GRID2: variants seen among roughly 807,000 people sequenced by gnomAD.
The protein encoded by GRID2 is glutamate ionotropic receptor delta type subunit 2, also known as glutamate receptor ionotropic, delta-2.
In GRID2, 33 loss-of-function variants were observed where a neutral mutation model predicts 114.8. That is an observed-to-expected ratio of 0.29 (90% confidence interval 0.22 to 0.38). The LOEUF is 0.38. Among genes scored for constraint, GRID2 ranks in the 10% least tolerant of loss-of-function variants. GRID2 has a pLI of 1.00. For synonymous variants in GRID2, 505 were observed against 449.9 expected (o/e 1.12, Z -1.55); for missense variants, 1,184 against 1,257.7 (o/e 0.94, Z 0.89).
At chr4:92,765,797 G>C (rs1738231826) in intron 2 of GRID2, among the ~76,000 whole-genome samples, 1 of 152,200 alleles carries the variant, frequency 6.6e-6, no homozygotes, top group African/African-American at 2.4e-5. Flanking sequence ...CCAGCACAGA[G>C]AGGCATCCCC....
chr4:93,619,827 C>A (rs1742048972), intron 13 of GRID2, among the ~76,000 whole-genome samples: 1 of 152,196 alleles, frequency 6.6e-6, no homozygotes, highest in African/African-American at 2.4e-5. Context: ...TGCATGCTTT[C>A]TGTGGCCCTT....
At chr4:93,733,351 G>C (rs1409719348) in intron 14 of GRID2, among the ~76,000 whole-genome samples, 1 of 152,074 alleles carries the variant, frequency 6.6e-6, no homozygotes, top group Non-Finnish European at 1.5e-5. Flanking sequence ...TCTGAGCTCT[G>C]CTCTTAGACA....
At chr4:92,622,468 T>C (rs929255437) in intron 2 of GRID2, among the ~76,000 whole-genome samples, 1 of 151,714 alleles carries the variant, frequency 6.6e-6, no homozygotes, top group African/African-American at 2.4e-5. Context: ...GATTTGGTAA[T>C]ATTTCTGTAC....
chr4:93,165,319 C>G (rs760276469), intron 4 of GRID2, among the ~76,000 whole-genome samples: 1 of 151,860 alleles, frequency 6.6e-6, no homozygotes, highest in Non-Finnish European at 1.5e-5. Context: ...GAAGAAAAGA[C>G]CAGGAGCCTG....
chr4:92,605,674 G>A (rs1221737978), intron 2 of GRID2, among the ~76,000 whole-genome samples: 3 of 152,036 alleles, frequency 2.0e-5, no homozygotes, highest in African/African-American at 7.2e-5. Context: ...TATTTCATAT[G>A]GGAAAGTAAT....
At chr4:92,983,641 T>A (rs981896141) in intron 2 of GRID2, among the ~76,000 whole-genome samples, 2 of 152,148 alleles carry the variant, frequency 1.3e-5, no homozygotes, top group African/African-American at 4.8e-5. Context: ...TTCATTATTA[T>A]AATTTCTTAT....
intron 13 of GRID2, among the ~76,000 whole-genome samples, chr4:93,624,599 G>A (rs1462854796): frequency 6.6e-6 from 1 of 151,944 alleles, no homozygotes; most frequent in Non-Finnish European, 1.5e-5. Context: ...ATTTTATAAA[G>A]CCTCATTTGT....
At chr4:92,919,682 T>C (rs984372399) in intron 2 of GRID2, among the ~76,000 whole-genome samples, 1 of 152,224 alleles carries the variant, frequency 6.6e-6, no homozygotes, top group African/African-American at 2.4e-5. Flanking sequence ...TTCTTAATCC[T>C]GAGTTCTAGT....
intron 4 of GRID2, among the ~76,000 whole-genome samples, chr4:93,122,890 G>GATTTTT (rs1733913527): frequency 1.4e-5 from 1 of 69,804 alleles, no homozygotes; most frequent in African/African-American, 6.2e-5. Context: ...ACAGATGTGG[G>GATTTTT]TTTTTTTTTT....
At chr4:93,191,637 A>G (rs1233315142) in intron 4 of GRID2, among the ~76,000 whole-genome samples, 1 of 152,122 alleles carries the variant, frequency 6.6e-6, no homozygotes, top group Non-Finnish European at 1.5e-5. Flanking sequence ...TTGGAATAAT[A>G]CTGAAAATAG....
rs894350445 is a variant in GRID2, at chr4:92,914,784, T to G, written c.245-170211T>G. ...TTTATGGCTGCATAGTATTCTATGG[T>G]ATATCTGAACTACATTTTTTTAAAT... is the stretch of plus-strand genomic sequence containing the variant. On this transcript the variant is annotated intron_variant, in intron 2 of 15. Transcript: ENST00000282020. 2.6e-5 allele frequency among the ~76,000 whole-genome samples: 4 copies of G among 152,166 alleles called. No individual in the cohort carries two copies. In the East Asian group the frequency reaches 7.7e-4, roughly 29 times the overall value.
At chr4:92,677,106 G>A (rs1034116302) in intron 2 of GRID2, among the ~76,000 whole-genome samples, 1 of 152,146 alleles carries the variant, frequency 6.6e-6, no homozygotes, top group African/African-American at 2.4e-5. Flanking sequence ...TGGCTGCCAG[G>A]GGTTGGGAAG....
intron 2 of GRID2, among the ~76,000 whole-genome samples, chr4:93,044,984 C>T (rs1404024671): frequency 6.6e-6 from 1 of 152,042 alleles, no homozygotes; most frequent in Non-Finnish European, 1.5e-5. Context: ...ATAATTTAAG[C>T]TAGTGCACTC....
chr4:93,202,963 A>G lies in GRID2; in HGVS notation c.736-4441A>G, dbSNP rs1742270204. On this transcript the variant is annotated intron_variant, in intron 4 of 15. Coordinates refer to ENST00000282020, the MANE Select transcript of GRID2 (RefSeq NM_001510.4). Reference sequence around the variant, plus strand: ...ATATATATATATCATACTACTATACATTCTTTTTTGTGTGTGTGTGTATGT... The same window carrying G: ...ATATATATATATCATACTACTATACGTTCTTTTTTGTGTGTGTGTGTATGT... Among the ~76,000 whole-genome samples the G allele has an allele frequency of 2.0e-5, 3 of 151,962 alleles. No individual in the cohort carries two copies. In the South Asian group the frequency reaches 6.2e-4, roughly 32 times the overall value.
intron 2 of GRID2, among the ~76,000 whole-genome samples, chr4:92,713,272 T>C (rs990985201): frequency 6.6e-6 from 1 of 151,038 alleles, no homozygotes; most frequent in Non-Finnish European, 1.5e-5. Flanking sequence ...TTTTAACACA[T>C]AAAATGACAA....
chr4:92,572,555 T>C (rs1727682319), intron 1 of GRID2, among the ~76,000 whole-genome samples: 1 of 152,162 alleles, frequency 6.6e-6, no homozygotes, highest in Non-Finnish European at 1.5e-5. Context: ...ATCATCCTGA[T>C]ACCAAAGCCT....
At chr4:93,677,495 C>A (rs1052957807) in intron 14 of GRID2, among the ~76,000 whole-genome samples, 2 of 152,154 alleles carry the variant, frequency 1.3e-5, no homozygotes, top group African/African-American at 2.4e-5. Context: ...GTCCCTGACC[C>A]CTGACCCCCG....
intron 1 of GRID2, among the ~76,000 whole-genome samples, chr4:93,801,303 T>C (rs1031264264): frequency 6.6e-6 from 1 of 152,092 alleles, no homozygotes; most frequent in Non-Finnish European, 1.5e-5. Context: ...TAAATTTAAC[T>C]ATTATTTAAA....
At chr4:93,479,695 G>A (rs28587065) in intron 11 of GRID2, among the ~76,000 whole-genome samples, 5,339 of 152,132 alleles carry the variant, frequency 0.035, 132 homozygotes, top group Non-Finnish European at 0.046. Context: ...GAGACATAGA[G>A]AGAAGAAATC....
Sources: gnomAD v4.1 joint callset for allele counts (sites outside exome capture counted in the v4.1 genomes callset) on GRCh38, gnomAD v4.1.1 for gene constraint, MANE v1.5 for transcripts, NCBI Gene and HGNC (gene_info 2026-07-23, HGNC 2026-07-21) for gene names.